GRM3: variants seen among roughly 807,000 people sequenced by gnomAD.
GRM3 encodes glutamate metabotropic receptor 3, also known as metabotropic glutamate receptor 3.
A neutral mutation model predicts 70.5 loss-of-function variants in GRM3; 26 were observed. The ratio of observed to expected loss-of-function variants is 0.37; its 90% CI spans 0.27 to 0.51. The LOEUF is 0.51. Among genes scored for constraint, GRM3 ranks in the 20% least tolerant of loss-of-function variants. The pLI is 0.93. For missense variants in GRM3, 859 were observed against 1,123.8 expected (o/e 0.76, Z 3.37); for synonymous variants, 443 against 434.9 (o/e 1.02, Z -0.23).
At chr7:86,659,739 T>C (rs918629493) in intron 1 of GRM3, among the ~76,000 whole-genome samples, 1 of 152,020 alleles carries the variant, frequency 6.6e-6, no homozygotes, top group Non-Finnish European at 1.5e-5. Flanking sequence ...TATTTTAACA[T>C]AAAATCCTCT....
chr7:86,658,369 C>T (rs1452727662), intron 1 of GRM3, among the ~76,000 whole-genome samples: 2 of 152,202 alleles, frequency 1.3e-5, no homozygotes, highest in East Asian at 1.9e-4. Context: ...TGCCCTTACA[C>T]TTGTTGTTCC....
intron 3 of GRM3, among the ~76,000 whole-genome samples, chr7:86,834,705 T>A (rs575181203): frequency 2.0e-5 from 3 of 152,016 alleles, no homozygotes; most frequent in Admixed American, 2.0e-4. Flanking sequence ...AGTGAATTAT[T>A]TAAAGATATA....
chr7:86,651,289 C>T (rs1793599679), intron 1 of GRM3, among the ~76,000 whole-genome samples: 1 of 152,142 alleles, frequency 6.6e-6, no homozygotes, highest in African/African-American at 2.4e-5. Flanking sequence ...AATTAATGGA[C>T]ATAAAAAAGG....
chr7:86,655,470 G>T (rs1793711898), intron 1 of GRM3, among the ~76,000 whole-genome samples: 1 of 151,914 alleles, frequency 6.6e-6, no homozygotes, highest in South Asian at 2.1e-4. Flanking sequence ...CCCTTTAAAA[G>T]GTATTCAGTA....
chr7:86,658,223 A>C (rs2115822018), intron 1 of GRM3, among the ~76,000 whole-genome samples: 1 of 152,360 alleles, frequency 6.6e-6, no homozygotes, highest in South Asian at 2.1e-4. Context: ...ATTATCTTTA[A>C]GAAATACAAA....
At position 86,786,612 on chromosome 7, in the gene GRM3, C is replaced by G; in HGVS notation, c.820C>G (p.Leu274Val). 6.2e-7 allele frequency: 1 copy of G among 1,613,294 alleles called. No individual in the cohort carries two copies. The highest frequency in any genetic ancestry group is 8.5e-7 in the Non-Finnish European group (1 of 1,180,000). The change falls in exon 3 of 6, where the codon CTC becomes GTC. Residue 274 changes from leucine to valine, a missense_variant. Coordinates refer to ENST00000361669, the MANE Select transcript of GRM3 (RefSeq NM_000840.3). This position sits in a 1 kb window ranked among gnomAD's most constrained non-coding sequence, Gnocchi z 6.0. Reference protein sequence around the residue: ...LQKPNARVVVLFMRSDDSREL... With the variant: ...LQKPNARVVVVFMRSDDSREL... ...GAAGCCCAACGCGCGCGTCGTGGTC[C>G]TCTTCATGCGCAGCGACGACTCGCG...
At chr7:86,654,547 T>C (rs578136336) in intron 1 of GRM3, among the ~76,000 whole-genome samples, 1 of 152,166 alleles carries the variant, frequency 6.6e-6, no homozygotes, top group African/African-American at 2.4e-5. Flanking sequence ...CTCCCCCAAC[T>C]AGCAACTTAT....
chr7:86,690,167 G>A (rs74893969), intron 1 of GRM3, among the ~76,000 whole-genome samples: 2,038 of 152,258 alleles, frequency 0.013, 45 homozygotes, highest in African/African-American at 0.047. Flanking sequence ...TAAGTGAGAA[G>A]AGAATGGAGA....
chr7:86,860,919 T>A lies in GRM3; in HGVS notation c.2567-3363T>A, dbSNP rs145538079. On this transcript the variant is annotated intron_variant, in intron 5 of 5. Transcript: ENST00000361669. ...AGGGAACATCAGAGTAGGTTTCAGATACAAACTTAAGAGGGGGTATTTGAA... is the reference window on the plus strand; with the variant it reads ...AGGGAACATCAGAGTAGGTTTCAGAAACAAACTTAAGAGGGGGTATTTGAA... 3.9e-5 allele frequency among the ~76,000 whole-genome samples: 6 copies of A among 152,306 alleles called. No individual in the cohort carries two copies. In the East Asian group the frequency reaches 1.2e-3, roughly 29 times the overall value.
chr7:86,767,543 ATATATATATAT>A (rs1796636180), intron 2 of GRM3, among the ~76,000 whole-genome samples: 1 of 115,348 alleles, frequency 8.7e-6, no homozygotes. Context: ...ATATATATAT[ATATATATATAT>A]ATATAAATGA....
intron 1 of GRM3, among the ~76,000 whole-genome samples, chr7:86,752,843 G>T (rs1407791788): frequency 1.3e-5 from 2 of 152,032 alleles, no homozygotes; most frequent in African/African-American, 4.8e-5. Flanking sequence ...GATAAGACGT[G>T]CCCAGCCCCC....
At chr7:86,712,254 C>A (rs1156699406) in intron 1 of GRM3, among the ~76,000 whole-genome samples, 1 of 151,986 alleles carries the variant, frequency 6.6e-6, no homozygotes, top group Non-Finnish European at 1.5e-5. Context: ...TTCCTTCCTC[C>A]TGTCATCATT....
At chr7:86,700,828 A>T (rs1483132994) in intron 1 of GRM3, among the ~76,000 whole-genome samples, 1 of 151,938 alleles carries the variant, frequency 6.6e-6, no homozygotes, top group African/African-American at 2.4e-5. Flanking sequence ...GCTGGAAATG[A>T]TAAATACTAA....
rs560891371 is a variant in GRM3, at chr7:86,858,123, A to AT, written c.2567-6153dup. Among the ~76,000 whole-genome samples the AT allele has an allele frequency of 2.0e-4, 30 of 151,650 alleles. 1 individual carries two copies. In the South Asian group the frequency reaches 5.8e-3, roughly 29 times the overall value. Reference sequence around the variant, plus strand: ...AGGCACCCGCCACCACGCACGGCTAATTTTTTGTATTTTTAGTAGAGACGA... The same window carrying AT: ...AGGCACCCGCCACCACGCACGGCTAATTTTTTTGTATTTTTAGTAGAGACGA... On this transcript the variant is annotated intron_variant, in intron 5 of 5. Transcript: ENST00000361669.
chr7:86,835,508 T>A (rs1798439714), intron 3 of GRM3, among the ~76,000 whole-genome samples: 1 of 152,154 alleles, frequency 6.6e-6, no homozygotes, highest in Non-Finnish European at 1.5e-5. Flanking sequence ...TTACCTAAGG[T>A]TTTAGCAATC....
intron 3 of GRM3, among the ~76,000 whole-genome samples, chr7:86,809,065 C>A (rs1436726349): frequency 6.6e-6 from 1 of 151,984 alleles, no homozygotes; most frequent in Non-Finnish European, 1.5e-5. Flanking sequence ...CCTAAAGAGA[C>A]TTATCAATGT....
At chr7:86,849,668 AC>A (rs1418680940) in intron 4 of GRM3, among the ~76,000 whole-genome samples, 1 of 152,166 alleles carries the variant, frequency 6.6e-6, no homozygotes. Flanking sequence ...GACATGATAA[AC>A]CCTGGTTCTG....
intron 1 of GRM3, among the ~76,000 whole-genome samples, chr7:86,706,880 C>T (rs529047939): frequency 6.6e-6 from 1 of 152,096 alleles, no homozygotes; most frequent in African/African-American, 2.4e-5. Flanking sequence ...CTTTGTATTT[C>T]CTTACAGGGA....
chr7:86,781,856 C>T (rs75353915), intron 2 of GRM3, among the ~76,000 whole-genome samples: 31 of 152,148 alleles, frequency 2.0e-4, no homozygotes, highest in Non-Finnish European at 3.7e-4. Context: ...TTCTTCCAAG[C>T]TGCTGTCTTT....
Sources: allele counts gnomAD v4.1 joint callset (sites outside exome capture counted in the v4.1 genomes callset), GRCh38; gene constraint gnomAD v4.1.1; non-coding constraint Gnocchi (gnomAD v3.1); transcripts MANE v1.5; gene names NCBI Gene and HGNC (gene_info 2026-07-23, HGNC 2026-07-21).